Variants in IGF2BP3 observed in about 807,000 individuals in gnomAD.
IGF2BP3 encodes the protein insulin-like growth factor 2 mRNA-binding protein 3.
A neutral mutation model predicts 73.8 loss-of-function variants in IGF2BP3; 9 were observed. The observed-to-expected ratio is 0.12, with a 90% CI of 0.07 to 0.21. The LOEUF is 0.21. Ranked by LOEUF, IGF2BP3 falls within the 10% of genes least tolerant of loss-of-function variation. The pLI is 1.00. For synonymous variants in IGF2BP3, 258 were observed against 256.7 expected (o/e 1.01, Z -0.05); for missense variants, 542 against 714.0 (o/e 0.76, Z 2.75).
chr7:23,400,873 C>T (rs576170767), intron 3 of IGF2BP3, among the ~76,000 whole-genome samples: 1 of 152,226 alleles, frequency 6.6e-6, no homozygotes, highest in Non-Finnish European at 1.5e-5. Flanking sequence ...GATCTTGGCC[C>T]ACTGCAGTAT....
intron 3 of IGF2BP3, among the ~76,000 whole-genome samples, chr7:23,417,475 C>G (rs1787224406): frequency 6.6e-6 from 1 of 152,088 alleles, no homozygotes; most frequent in Non-Finnish European, 1.5e-5. Context: ...AAACTAAAAG[C>G]TAAATTCTCT....
chr7:23,354,522 T>C (rs929557429), intron 5 of IGF2BP3, among the ~76,000 whole-genome samples: 1 of 152,190 alleles, frequency 6.6e-6, no homozygotes, highest in Non-Finnish European at 1.5e-5. Context: ...TTGAGTGAGA[T>C]AGACACATAC....
intron 2 of IGF2BP3, among the ~76,000 whole-genome samples, chr7:23,434,013 G>GT (rs1008676543): frequency 2.0e-5 from 3 of 151,256 alleles, no homozygotes; most frequent in African/African-American, 7.3e-5. Flanking sequence ...GGAAGGCAGA[G>GT]GTTACAGTGA....
At chr7:23,403,018 A>G (rs1012147955) in intron 3 of IGF2BP3, among the ~76,000 whole-genome samples, 1 of 152,158 alleles carries the variant, frequency 6.6e-6, no homozygotes. Context: ...TTCACACAAT[A>G]AAGAGAGGTG....
At position 23,436,656 on chromosome 7, in the gene IGF2BP3, A is replaced by G. The variant is rs141160234; in HGVS notation, c.237-17832T>C. Among the ~76,000 whole-genome samples, 465 of 152,334 alleles carry G rather than the reference A, an allele frequency of 3.1e-3. 2 individuals are homozygous for G. Among genetic ancestry groups the G allele is most frequent in the African/African-American group, 0.01 (430 of 41,576 alleles). ...GACTATCTGGTAGTAAAGAGATGTT[A>G]AATACTTTCCATGCACATAACCTGA... On this transcript the variant is annotated intron_variant, in intron 2 of 14. Transcript: ENST00000258729.
intron 5 of IGF2BP3, among the ~76,000 whole-genome samples, chr7:23,354,929 C>A (rs569769073): frequency 1.3e-5 from 2 of 152,156 alleles, no homozygotes; most frequent in African/African-American, 2.4e-5. Context: ...CAGGAGGAAC[C>A]TAACATGCAG....
chr7:23,374,421 T>C (rs960018065), intron 3 of IGF2BP3, among the ~76,000 whole-genome samples: 6 of 152,022 alleles, frequency 3.9e-5, no homozygotes, highest in Non-Finnish European at 4.4e-5. Context: ...TCCCAGCTCT[T>C]TGGGAGGCCA....
chr7:23,462,137 T>G (rs35319316), intron 2 of IGF2BP3, among the ~76,000 whole-genome samples: 1 of 152,136 alleles, frequency 6.6e-6, no homozygotes, highest in East Asian at 1.9e-4. Context: ...GAGTGGCACA[T>G]GTGGATCAGA....
intron 2 of IGF2BP3, among the ~76,000 whole-genome samples, chr7:23,421,984 G>A (rs1430989483): frequency 1.3e-5 from 2 of 151,920 alleles, no homozygotes; most frequent in African/African-American, 4.8e-5. Flanking sequence ...TTGCTATGTT[G>A]TCCAGGTTCA....
intron 2 of IGF2BP3, among the ~76,000 whole-genome samples, chr7:23,441,249 T>C (rs913965668): frequency 1.3e-5 from 2 of 151,880 alleles, no homozygotes; most frequent in Admixed American, 6.6e-5. Context: ...CTGGGCAATA[T>C]AGTGAGATCA....
chr7:23,342,245 A>G lies in IGF2BP3; in HGVS notation c.1078-56T>C, dbSNP rs2128501472. 3.8e-6 allele frequency: 6 copies of G among 1,584,958 alleles called. No homozygotes were observed. In the South Asian group the frequency reaches 4.4e-5, roughly 12 times the overall value. On this transcript the variant is annotated intron_variant, in intron 9 of 14. Coordinates refer to ENST00000258729, the MANE Select transcript of IGF2BP3 (RefSeq NM_006547.3). The stretch of plus-strand genomic sequence containing the variant: ...CAATTAAAAGAATCAAGGGAAAGTG[A>G]GCATTTTTAAGTGACAGTATTCAAA...
At chr7:23,415,136 T>C (rs1413085262) in intron 3 of IGF2BP3, 3 of 218,646 alleles carry the variant, frequency 1.4e-5, no homozygotes, top group Non-Finnish European at 2.7e-5. Context: ...CATTACCAGG[T>C]CCTGTCTGTC....
intron 12 of IGF2BP3, 116 bp from the exon 13 acceptor site, chr7:23,313,769 A>G (rs1266775088): frequency 1.1e-6 from 1 of 899,546 alleles, no homozygotes; most frequent in Non-Finnish European, 1.7e-6. Flanking sequence ...ATACATCTAC[A>G]TTTCATAGAT....
chr7:23,408,856 A>G lies in IGF2BP3; in HGVS notation c.285+9920T>C, dbSNP rs545534002. 1.5e-4 allele frequency among the ~76,000 whole-genome samples: 23 copies of G among 152,338 alleles called. No homozygotes were observed. In the South Asian group the frequency reaches 4.8e-3, roughly 32 times the overall value. On this transcript the variant is annotated intron_variant, in intron 3 of 14. Coordinates refer to ENST00000258729, the MANE Select transcript of IGF2BP3 (RefSeq NM_006547.3). ...AAAGGTAGAATACACAGACAGAGGA[A>G]TACTACACTTAACTTTCAAAAGAAA... is the stretch of plus-strand genomic sequence containing the variant.
chr7:23,396,262 G>A (rs954397681), intron 3 of IGF2BP3, among the ~76,000 whole-genome samples: 1 of 152,038 alleles, frequency 6.6e-6, no homozygotes, highest in Non-Finnish European at 1.5e-5. Context: ...TTGGGGGTAG[G>A]GGGCAGGGAG....
intron 3 of IGF2BP3, among the ~76,000 whole-genome samples, chr7:23,396,963 G>A (rs1237131061): frequency 6.6e-6 from 1 of 152,128 alleles, no homozygotes; most frequent in Non-Finnish European, 1.5e-5. Context: ...AGATGGGAAA[G>A]GGACTCTGTA....
At chr7:23,452,863 C>T (rs11770216) in intron 2 of IGF2BP3, among the ~76,000 whole-genome samples, 17,603 of 150,008 alleles carry the variant, frequency 0.12, 1,290 homozygotes, top group South Asian at 0.18. Context: ...CCTATAATCC[C>T]AGCACTTTGG....
chr7:23,392,175 C>T (rs1239215690), intron 3 of IGF2BP3, among the ~76,000 whole-genome samples: 1 of 152,052 alleles, frequency 6.6e-6, no homozygotes, highest in Non-Finnish European at 1.5e-5. Context: ...AAACTGATGG[C>T]CAGTACTGTC....
intron 2 of IGF2BP3, among the ~76,000 whole-genome samples, chr7:23,420,534 T>C (rs144911574): frequency 7.4e-4 from 112 of 152,204 alleles, no homozygotes; most frequent in African/African-American, 2.5e-3. Context: ...CAAAGAACTA[T>C]AGTGAACTTC....
Sources: allele counts gnomAD v4.1 joint callset (sites outside exome capture counted in the v4.1 genomes callset), GRCh38; gene constraint gnomAD v4.1.1; transcripts MANE v1.5; gene names NCBI Gene and HGNC (gene_info 2026-07-23, HGNC 2026-07-21).